The following GRM1 variants were observed in gnomAD, a reference collection of about 807,000 sequenced individuals.
The protein encoded by GRM1 is glutamate metabotropic receptor 1, also known as metabotropic glutamate receptor 1.
In GRM1, 33 loss-of-function variants were observed where a neutral mutation model predicts 90.9. The ratio of observed to expected loss-of-function variants is 0.36; its 90% CI spans 0.28 to 0.49. The LOEUF (loss-of-function observed/expected upper bound fraction) is 0.49. Among genes scored for constraint, GRM1 ranks in the 20% least tolerant of loss-of-function variants. The pLI, the probability that GRM1 is intolerant of heterozygous loss-of-function variation, is 0.99. For missense variants in GRM1, 1,190 were observed against 1,534.3 expected, an observed-to-expected ratio of 0.78 and a Z score of 3.75; for synonymous variants, 700 against 613.2, an observed-to-expected ratio of 1.14 and a Z score of -2.09.
At chr6:146,298,243 A>C (rs916086916) in intron 2 of GRM1, among the ~76,000 whole-genome samples, 1 of 152,156 alleles carries the variant, frequency 6.6e-6, no homozygotes, top group African/African-American at 2.4e-5. Context: ...GGGTCAGACT[A>C]TCTATGGTCC....
chr6:146,249,171 TA>T (rs1781182820), intron 2 of GRM1, among the ~76,000 whole-genome samples: 1 of 152,134 alleles, frequency 6.6e-6, no homozygotes, highest in Admixed American at 6.5e-5. Context: ...TGGTAGAAAA[TA>T]AAACCCCATT....
intron 2 of GRM1, among the ~76,000 whole-genome samples, chr6:146,281,995 A>G (rs1180963872): frequency 1.3e-5 from 2 of 152,226 alleles, no homozygotes; most frequent in Admixed American, 6.5e-5. Flanking sequence ...AGGGCAGTCA[A>G]TAATTCTAAA....
At chr6:146,094,443 A>G (rs946763291) in intron 1 of GRM1, among the ~76,000 whole-genome samples, 1 of 152,134 alleles carries the variant, frequency 6.6e-6, no homozygotes, top group Non-Finnish European at 1.5e-5. Flanking sequence ...TTTCTATGCC[A>G]TATGTTCTGG....
intron 2 of GRM1, among the ~76,000 whole-genome samples, chr6:146,253,272 T>C (rs992422205): frequency 1.5e-4 from 23 of 152,102 alleles, no homozygotes; most frequent in African/African-American, 4.8e-4. Context: ...TTAGCAACAG[T>C]CCAGGCTTCA....
intron 1 of GRM1, among the ~76,000 whole-genome samples, chr6:146,150,659 T>A (rs912537498): frequency 3.3e-5 from 5 of 152,314 alleles, no homozygotes; most frequent in African/African-American, 1.2e-4. Context: ...ATATTCATTT[T>A]ATCTAGCTGT....
intron 2 of GRM1, among the ~76,000 whole-genome samples, chr6:146,257,987 T>TA (rs11419823): frequency 0.54 from 79,569 of 147,702 alleles, 21,062 homozygotes; most frequent in Middle Eastern, 0.62. Flanking sequence ...TGTTCTTCCG[T>TA]AAAAAAAAAA....
chr6:146,166,206 A>T (rs1052171947), intron 2 of GRM1, among the ~76,000 whole-genome samples: 10 of 152,094 alleles, frequency 6.6e-5, no homozygotes, highest in African/African-American at 1.9e-4. Flanking sequence ...TTAAAAATAG[A>T]TTCCCTGATC....
intron 2 of GRM1, among the ~76,000 whole-genome samples, chr6:146,193,105 T>G (rs1778986327): frequency 6.6e-6 from 1 of 152,080 alleles, no homozygotes; most frequent in African/African-American, 2.4e-5. Flanking sequence ...CTAAGTGGGG[T>G]AGGTTTGTGG....
At chr6:146,264,994 C>G (rs1781828427) in intron 2 of GRM1, among the ~76,000 whole-genome samples, 3 of 152,136 alleles carry the variant, frequency 2.0e-5, no homozygotes. Context: ...CTCTGATAAA[C>G]ATACAATTGC....
chr6:146,203,336 C>T (rs1779385887), intron 2 of GRM1, among the ~76,000 whole-genome samples: 1 of 152,044 alleles, frequency 6.6e-6, no homozygotes, highest in South Asian at 2.1e-4. Flanking sequence ...GCCGCTATTC[C>T]CTCTGTCGGG....
intron 1 of GRM1, among the ~76,000 whole-genome samples, chr6:146,047,670 T>G (rs905853750): frequency 4.6e-5 from 7 of 151,990 alleles, no homozygotes; most frequent in South Asian, 2.1e-4. Flanking sequence ...TCTAGCATCA[T>G]GCACAGATAA....
At chr6:146,184,794 C>T (rs1778670318) in intron 2 of GRM1, among the ~76,000 whole-genome samples, 1 of 152,134 alleles carries the variant, frequency 6.6e-6, no homozygotes, top group Admixed American at 6.6e-5. Context: ...CTGATGAAGC[C>T]TTCATGATCA....
At chr6:146,086,675 A>G (rs1200019562) in intron 1 of GRM1, among the ~76,000 whole-genome samples, 1 of 151,850 alleles carries the variant, frequency 6.6e-6, no homozygotes, top group African/African-American at 2.4e-5. Flanking sequence ...TCTTCCCTTC[A>G]TGAACTCCTT....
At chr6:146,219,468 A>C (rs1427211415) in intron 2 of GRM1, among the ~76,000 whole-genome samples, 1 of 152,086 alleles carries the variant, frequency 6.6e-6, no homozygotes. Context: ...GACAGCCCAG[A>C]ACGGCGGTTT....
intron 3 of GRM1, among the ~76,000 whole-genome samples, chr6:146,312,007 G>A (rs186558179): frequency 6.6e-6 from 1 of 151,904 alleles, no homozygotes; most frequent in Non-Finnish European, 1.5e-5. Flanking sequence ...TTTTAATTTT[G>A]AGAAGGATCT....
intron 1 of GRM1, among the ~76,000 whole-genome samples, chr6:146,133,488 C>CT (rs928715366): frequency 2.0e-5 from 3 of 152,112 alleles, no homozygotes; most frequent in Non-Finnish European, 4.4e-5. Flanking sequence ...CATTCTGGTT[C>CT]TTTGTGAACT....
chr6:146,357,395 A>C lies in GRM1; in HGVS notation c.1434-131A>C, dbSNP rs1785626913. On this transcript the variant is annotated intron_variant, in intron 4 of 7. Coordinates refer to ENST00000282753, the MANE Select transcript of GRM1 (RefSeq NM_001278064.2). ...CAGAGGAAACATAAGAAATAAGCTA[A>C]AATATTGGCAGTAGCTGATTTAAGA... 5.0e-5 allele frequency: 37 copies of C among 734,976 alleles called. No homozygotes were observed. The South Asian group carries it at 5.7e-4, about 11-fold the overall frequency. 45.5% of individuals were successfully genotyped at this position (734,976 alleles called of 1,614,324 possible). A position where few individuals can be genotyped will look rare whatever the true frequency, so the allele number is the denominator to read the frequency against.
intron 2 of GRM1, among the ~76,000 whole-genome samples, chr6:146,278,112 A>G (rs1481808624): frequency 2.6e-5 from 4 of 152,148 alleles, no homozygotes; most frequent in Admixed American, 2.6e-4. Flanking sequence ...TCATTATTAT[A>G]ATATCCATTT....
At chr6:146,248,428 T>C (rs2114755688) in intron 2 of GRM1, among the ~76,000 whole-genome samples, 1 of 152,330 alleles carries the variant, frequency 6.6e-6, no homozygotes. Context: ...CATGCTGTTC[T>C]CGTGATAGTG....
Sources: gnomAD v4.1 joint callset for allele counts (sites outside exome capture counted in the v4.1 genomes callset) on GRCh38, gnomAD v4.1.1 for gene constraint, MANE v1.5 for transcripts, NCBI Gene and HGNC (gene_info 2026-07-23, HGNC 2026-07-21) for gene names.